CARMIL1: variants seen among roughly 807,000 people sequenced by gnomAD.
The protein encoded by CARMIL1 is capping protein regulator and myosin 1 linker 1.
In CARMIL1, 90 loss-of-function variants were observed where a neutral mutation model predicts 177.1. That is an observed-to-expected ratio of 0.51 (90% CI 0.43 to 0.61). CARMIL1 has a LOEUF of 0.61. Ranked by LOEUF, CARMIL1 falls within the 20% of genes least tolerant of loss-of-function variation. CARMIL1 has a pLI of 0.00. For synonymous variants in CARMIL1, 577 were observed against 606.2 expected, an observed-to-expected ratio of 0.95 and a Z score of 0.71; for missense variants, 1,380 against 1,667.0, an observed-to-expected ratio of 0.83 and a Z score of 3.00.
At chr6:25,291,461 A>G (rs1279560024) in intron 2 of CARMIL1, among the ~76,000 whole-genome samples, 1 of 152,174 alleles carries the variant, frequency 6.6e-6, no homozygotes, top group Non-Finnish European at 1.5e-5. Context: ...GGCCATACTC[A>G]TTTTGCATGA....
chr6:25,526,058 C>T (rs1001289251), intron 23 of CARMIL1, among the ~76,000 whole-genome samples: 8 of 151,434 alleles, frequency 5.3e-5, no homozygotes, highest in African/African-American at 1.7e-4. Context: ...GCCTGTAATC[C>T]CAGCACTTTG....
intron 8 of CARMIL1, among the ~76,000 whole-genome samples, chr6:25,462,463 GT>G (rs1438116030): frequency 2.0e-5 from 3 of 152,160 alleles, no homozygotes; most frequent in East Asian, 1.9e-4. Context: ...CTGCTAGGCT[GT>G]GCCAGGCCAT....
intron 2 of CARMIL1, among the ~76,000 whole-genome samples, chr6:25,332,530 G>C (rs1243296530): frequency 6.6e-6 from 1 of 152,102 alleles, no homozygotes; most frequent in Non-Finnish European, 1.5e-5. Context: ...AATCCAGGAC[G>C]ATTCCCAGGT....
At position 25,509,806 on chromosome 6, in the gene CARMIL1, T is replaced by C; in HGVS notation, c.1477+69T>C. Reference sequence around the variant, plus strand: ...AAGCAAGTTAATAAGGGGAAAATAATCTTCTACCCAAATCCAAACAATAGC... The same window carrying C: ...AAGCAAGTTAATAAGGGGAAAATAACCTTCTACCCAAATCCAAACAATAGC... On this transcript the variant is annotated intron_variant, in intron 18 of 36. Coordinates refer to ENST00000329474, the MANE Select transcript of CARMIL1 (RefSeq NM_017640.6). This position sits in a 1 kb window ranked among gnomAD's most constrained non-coding sequence, Gnocchi z 4.1. 2 of 1,092,500 alleles carry C rather than the reference T, an allele frequency of 1.8e-6. No individual in the cohort carries two copies. The highest frequency in any genetic ancestry group is 2.7e-6 in the Non-Finnish European group (2 of 742,082). 67.7% of individuals were successfully genotyped at this position (1,092,500 alleles called of 1,614,324 possible). A position where few individuals can be genotyped will look rare whatever the true frequency, so the allele number is the denominator to read the frequency against.
intron 2 of CARMIL1, among the ~76,000 whole-genome samples, chr6:25,323,768 T>TC (rs1285099474): frequency 6.6e-6 from 1 of 152,248 alleles, no homozygotes. Flanking sequence ...TTGGGACTGT[T>TC]CCATTCATCA....
intron 5 of CARMIL1, among the ~76,000 whole-genome samples, chr6:25,442,350 C>T (rs1224021736): frequency 6.6e-6 from 1 of 151,368 alleles, no homozygotes; most frequent in Non-Finnish European, 1.5e-5. Context: ...CTAGTGCTGC[C>T]TGCATGTGAG....
At chr6:25,371,576 T>G (rs575998356) in intron 2 of CARMIL1, among the ~76,000 whole-genome samples, 11 of 152,308 alleles carry the variant, frequency 7.2e-5, no homozygotes, top group Non-Finnish European at 4.4e-5. Context: ...AAATGTCTAT[T>G]CATGTCATTT....
At chr6:25,527,803 TTAAG>T (rs148945195) in intron 23 of CARMIL1, 51 of 308,300 alleles carry the variant, frequency 1.7e-4, no homozygotes, top group Non-Finnish European at 2.9e-4. Flanking sequence ...CTAATTGATA[TTAAG>T]TAATAGTCAT....
chr6:25,507,274 T>C (rs1805006008), intron 17 of CARMIL1, among the ~76,000 whole-genome samples: 1 of 152,216 alleles, frequency 6.6e-6, no homozygotes, highest in African/African-American at 2.4e-5. Flanking sequence ...TTTAATAATC[T>C]GTGACTTGAA....
chr6:25,565,156 TGAG>T (rs2151202061), intron 29 of CARMIL1, among the ~76,000 whole-genome samples: 1 of 152,244 alleles, frequency 6.6e-6, no homozygotes, highest in East Asian at 1.9e-4. Context: ...TAGTATAAAT[TGAG>T]GAACCCAATT....
intron 2 of CARMIL1, among the ~76,000 whole-genome samples, chr6:25,297,850 A>G (rs1420187923): frequency 6.6e-6 from 1 of 152,164 alleles, no homozygotes; most frequent in East Asian, 1.9e-4. Flanking sequence ...GTAGGGCTTT[A>G]CATTTTAATA....
chr6:25,548,616 T>A (rs1420773301), intron 26 of CARMIL1, among the ~76,000 whole-genome samples: 1 of 152,110 alleles, frequency 6.6e-6, no homozygotes, highest in Non-Finnish European at 1.5e-5. Flanking sequence ...AAGGAGAGGC[T>A]GCAGTCCTCT....
intron 29 of CARMIL1, among the ~76,000 whole-genome samples, chr6:25,557,209 T>A (rs1810704069): frequency 1.3e-5 from 2 of 152,180 alleles, no homozygotes; most frequent in Admixed American, 1.3e-4. Context: ...GGGTGACTCT[T>A]TCTTGGTCTT....
At chr6:25,308,624 A>T (rs1581516081) in intron 2 of CARMIL1, among the ~76,000 whole-genome samples, 1 of 150,976 alleles carries the variant, frequency 6.6e-6, no homozygotes, top group Non-Finnish European at 1.5e-5. Context: ...CTTGTGATCC[A>T]CCTGCCTTGG....
chr6:25,605,910 A>G (rs1387330178), intron 34 of CARMIL1, 151 bp from the exon 35 acceptor site: 1 of 611,798 alleles, frequency 1.6e-6, no homozygotes, highest in Middle Eastern at 4.1e-4. Flanking sequence ...TGATTTTAAA[A>G]CATGCTAGAA....
intron 2 of CARMIL1, among the ~76,000 whole-genome samples, chr6:25,313,161 C>T (rs959789042): frequency 1.3e-5 from 2 of 152,004 alleles, no homozygotes; most frequent in African/African-American, 4.8e-5. Flanking sequence ...AAAATTTTCC[C>T]CACATAGTAA....
chr6:25,484,093 A>G (rs1252286292), intron 12 of CARMIL1, among the ~76,000 whole-genome samples: 1 of 152,142 alleles, frequency 6.6e-6, no homozygotes, highest in Non-Finnish European at 1.5e-5. Context: ...ATGTTCTCAG[A>G]CAACCCCCTC....
intron 31 of CARMIL1, among the ~76,000 whole-genome samples, chr6:25,583,008 A>G (rs1166801221): frequency 6.6e-6 from 1 of 152,178 alleles, no homozygotes; most frequent in African/African-American, 2.4e-5. Context: ...AAATAGCAAA[A>G]GCAGGAAGGG....
intron 3 of CARMIL1, among the ~76,000 whole-genome samples, chr6:25,422,356 C>A (rs533158421): frequency 6.6e-6 from 1 of 152,278 alleles, no homozygotes; most frequent in South Asian, 2.1e-4. Context: ...GTTATTGGTA[C>A]AAATGAAATG....
Sources: allele counts gnomAD v4.1 joint callset (sites outside exome capture counted in the v4.1 genomes callset), GRCh38; gene constraint gnomAD v4.1.1; non-coding constraint Gnocchi (gnomAD v3.1); transcripts MANE v1.5; gene names NCBI Gene and HGNC (gene_info 2026-07-23, HGNC 2026-07-21).